The following NRXN3 variants were observed in gnomAD, a reference collection of about 807,000 sequenced individuals.
NRXN3 encodes the protein neurexin III.
NRXN3 carries 32 observed loss-of-function variants against 137.6 expected under a neutral mutation model. The observed-to-expected ratio is 0.23, with a 90% CI of 0.18 to 0.31. NRXN3 has a LOEUF of 0.31. Among genes scored for constraint, NRXN3 ranks in the 10% least tolerant of loss-of-function variants. NRXN3 has a pLI of 1.00. For missense variants in NRXN3, 1,574 were observed against 2,062.5 expected (o/e 0.76, Z 4.59); for synonymous variants, 798 against 784.5 (o/e 1.02, Z -0.29).
chr14:78,281,547 G>A (rs1456032265), intron 3 of NRXN3, among the ~76,000 whole-genome samples: 1 of 152,104 alleles, frequency 6.6e-6, no homozygotes, highest in Non-Finnish European at 1.5e-5. Flanking sequence ...GGGCACCCAG[G>A]AAAAAGGGGC....
At position 78,885,096 on chromosome 14, in the gene NRXN3, A is replaced by T. The variant is rs577645233; in HGVS notation, c.2276-72146A>T. 1.9e-4 allele frequency among the ~76,000 whole-genome samples: 28 copies of T among 150,588 alleles called. 1 individual carries two copies. The South Asian group carries it at 5.9e-3, about 32-fold the overall frequency. On this transcript the variant is annotated intron_variant, in intron 10 of 20. Transcript: ENST00000335750. ...TAAAATATAATGCAGTGAGTTTACAAGTGTCATAATGTGAAATATATAAAT... is the reference window on the plus strand; with the variant it reads ...TAAAATATAATGCAGTGAGTTTACATGTGTCATAATGTGAAATATATAAAT...
At chr14:79,500,602 G>T (rs2096816209) in intron 16 of NRXN3, among the ~76,000 whole-genome samples, 1 of 152,144 alleles carries the variant, frequency 6.6e-6, no homozygotes, top group South Asian at 2.1e-4. Flanking sequence ...TACTCACCCA[G>T]TACCTCCCAC....
intron 2 of NRXN3, among the ~76,000 whole-genome samples, chr14:78,247,816 T>G (rs1354660474): frequency 6.6e-6 from 1 of 152,202 alleles, no homozygotes; most frequent in Non-Finnish European, 1.5e-5. Flanking sequence ...TTTTAAAACA[T>G]TCTTGGTTAT....
chr14:78,406,452 A>C (rs1379861554), intron 4 of NRXN3, among the ~76,000 whole-genome samples: 1 of 152,170 alleles, frequency 6.6e-6, no homozygotes, highest in Non-Finnish European at 1.5e-5. Context: ...TAGACAGGAG[A>C]CAGTTTATTC....
At chr14:79,428,339 T>A (rs2095689933) in intron 15 of NRXN3, among the ~76,000 whole-genome samples, 2 of 151,940 alleles carry the variant, frequency 1.3e-5, no homozygotes, top group Non-Finnish European at 2.9e-5. Flanking sequence ...ATTTTATTTT[T>A]TAATTAAAAA....
At chr14:78,594,715 CA>C (rs1308251338) in intron 4 of NRXN3, among the ~76,000 whole-genome samples, 1 of 152,178 alleles carries the variant, frequency 6.6e-6, no homozygotes, top group Non-Finnish European at 1.5e-5. Context: ...TGGAGGAATT[CA>C]AGAGGCCACT....
intron 4 of NRXN3, among the ~76,000 whole-genome samples, chr14:78,370,067 C>T (rs1367853783): frequency 6.6e-6 from 1 of 152,134 alleles, no homozygotes; most frequent in Non-Finnish European, 1.5e-5. Context: ...CAGCCAATGC[C>T]ACTTACTGAA....
At chr14:79,618,746 C>A (rs2098189553) in intron 16 of NRXN3, among the ~76,000 whole-genome samples, 2 of 152,076 alleles carry the variant, frequency 1.3e-5, no homozygotes, top group African/African-American at 2.4e-5. Context: ...AATGGTAATA[C>A]CATTTTAAGT....
rs372603760 is a variant in NRXN3 at position 78,709,675 on chromosome 14, G to A, written c.1660+20G>A. ...GATCAGGTAGGAAGAGGCAGGATGT[G>A]TGACTGAGACTAGACGAAAGCTGTA... On this transcript the variant is annotated intron_variant, in intron 7 of 20. Transcript: ENST00000335750. 4.4e-6 allele frequency: 7 copies of A among 1,596,450 alleles called. No individual in the cohort carries two copies. The highest frequency in any genetic ancestry group is 4.0e-5 in the African/African-American group (3 of 74,490).
chr14:78,755,351 A>G (rs756191386), intron 8 of NRXN3, among the ~76,000 whole-genome samples: 2 of 152,062 alleles, frequency 1.3e-5, no homozygotes, highest in African/African-American at 2.4e-5. Context: ...AATGGATGCC[A>G]TTCTTCCCTC....
At chr14:78,247,326 G>C (rs1041440999) in intron 2 of NRXN3, among the ~76,000 whole-genome samples, 3 of 152,228 alleles carry the variant, frequency 2.0e-5, no homozygotes, top group Admixed American at 6.5e-5. Flanking sequence ...TGCTTTGGGA[G>C]AGTTTGGACC....
chr14:78,951,114 T>C (rs1306679544), intron 10 of NRXN3, among the ~76,000 whole-genome samples: 1 of 152,222 alleles, frequency 6.6e-6, no homozygotes, highest in Admixed American at 6.5e-5. Flanking sequence ...TACTGTCTCC[T>C]AGTTTTAGCC....
At chr14:78,966,600 A>G (rs2099417751) in intron 12 of NRXN3, among the ~76,000 whole-genome samples, 194 bp downstream of exon 12, 1 of 152,210 alleles carries the variant, frequency 6.6e-6, no homozygotes, top group African/African-American at 2.4e-5. Context: ...GATTTAATTT[A>G]AAGGTCTTCC....
At chr14:78,992,127 C>T (rs1317547510) in intron 15 of NRXN3, among the ~76,000 whole-genome samples, 1 of 152,184 alleles carries the variant, frequency 6.6e-6, no homozygotes, top group Non-Finnish European at 1.5e-5. Flanking sequence ...TTAGATATGA[C>T]CTTCCACAAT....
chr14:79,720,367 G>A (rs2098840335), intron 19 of NRXN3, among the ~76,000 whole-genome samples: 1 of 152,012 alleles, frequency 6.6e-6, no homozygotes, highest in Admixed American at 6.6e-5. Context: ...GATTTGGGCG[G>A]GGACACAACC....
chr14:79,719,249 A>ATGTG lies in NRXN3; in HGVS notation c.4014+21313_4014+21314insGTGT, dbSNP rs1363452308. Among the ~76,000 whole-genome samples, 317 of 51,796 alleles carry ATGTG rather than the reference A, an allele frequency of 6.1e-3. 3 individuals carry two copies. Among genetic ancestry groups the ATGTG allele is most frequent in the African/African-American group, 0.016 (297 of 18,190 alleles). 34.0% of individuals were successfully genotyped at this position (51,796 alleles called of 152,430 possible). ...AATATCATCCCGTCATCATAGACATATATGTGTGTGTGTGTGTGTGTGTGT... is the reference window on the plus strand; with the variant it reads ...AATATCATCCCGTCATCATAGACATATGTGTATGTGTGTGTGTGTGTGTGTGTGT... On this transcript the variant is annotated intron_variant, in intron 19 of 20. Transcript: ENST00000335750.
At chr14:79,269,251 A>G (rs545984305) in intron 15 of NRXN3, among the ~76,000 whole-genome samples, 4 of 152,204 alleles carry the variant, frequency 2.6e-5, no homozygotes, top group South Asian at 2.1e-4. Context: ...GGGTTTCACC[A>G]TGTTAGCCAG....
chr14:79,550,016 C>A (rs1428904741), intron 16 of NRXN3, among the ~76,000 whole-genome samples: 1 of 152,006 alleles, frequency 6.6e-6, no homozygotes, highest in African/African-American at 2.4e-5. Flanking sequence ...TGTCACCAGG[C>A]TGGAGTGCAG....
intron 3 of NRXN3, among the ~76,000 whole-genome samples, chr14:78,288,989 A>G (rs998351499): frequency 6.6e-6 from 1 of 152,174 alleles, no homozygotes; most frequent in Non-Finnish European, 1.5e-5. Context: ...TACATGGTAC[A>G]AAAGGCTAGG....
Sources: gnomAD v4.1 joint callset for allele counts (sites outside exome capture counted in the v4.1 genomes callset) on GRCh38, gnomAD v4.1.1 for gene constraint, MANE v1.5 for transcripts, NCBI Gene and HGNC (gene_info 2026-07-23, HGNC 2026-07-21) for gene names.